Variants in DGKB observed in about 807,000 individuals in gnomAD.
DGKB encodes diacylglycerol kinase beta, also known as 90 kDa diacylglycerol kinase.
Under a neutral mutation model 114.3 loss-of-function variants are expected in DGKB, and 67 were observed. The ratio of observed to expected loss-of-function variants is 0.59; its 90% CI spans 0.48 to 0.72. The LOEUF is 0.72. Among genes scored for constraint, DGKB ranks in the 30% least tolerant of loss-of-function variants. The pLI, the probability that DGKB is intolerant of heterozygous loss-of-function variation, is 0.00. For synonymous variants in DGKB, 398 were observed against 323.1 expected (o/e 1.23, Z -2.49); for missense variants, 907 against 975.2 (o/e 0.93, Z 0.93).
At chr7:14,729,267 C>A (rs145370313) in intron 5 of DGKB, among the ~76,000 whole-genome samples, 2 of 147,806 alleles carry the variant, frequency 1.4e-5, no homozygotes, top group South Asian at 2.1e-4. Flanking sequence ...GGACTACAGG[C>A]GCCTGCCACC....
chr7:14,546,200 C>G (rs1383412241), intron 20 of DGKB, among the ~76,000 whole-genome samples: 1 of 152,150 alleles, frequency 6.6e-6, no homozygotes, highest in Non-Finnish European at 1.5e-5. Context: ...TGGAACCCAA[C>G]CAATCCCAAT....
At chr7:14,201,824 G>A (rs963269048) in intron 23 of DGKB, among the ~76,000 whole-genome samples, 1 of 151,690 alleles carries the variant, frequency 6.6e-6, no homozygotes, top group Non-Finnish European at 1.5e-5. Context: ...TGTTGCTTTG[G>A]AGTTTGTTGT....
chr7:14,862,509 C>T (rs566119695), intron 1 of DGKB, among the ~76,000 whole-genome samples: 87 of 152,056 alleles, frequency 5.7e-4, no homozygotes, highest in South Asian at 2.9e-3. Context: ...ATATTATTTT[C>T]ATCTTACAGA....
rs112546662 is a variant in DGKB at position 14,910,199 on chromosome 7, T to G, written c.-188+64497A>C. Among the ~76,000 whole-genome samples, 996 of 149,640 alleles carry G rather than the reference T, an allele frequency of 6.7e-3. 18 individuals are homozygous for G. The highest frequency in any genetic ancestry group is 0.023 in the African/African-American group (952 of 40,552). ...GAGGTTGCAGTGATCCGAGATTGCGTCATTGCACTCCAGCCTAGGTGACAG... is the reference window on the plus strand; with the variant it reads ...GAGGTTGCAGTGATCCGAGATTGCGGCATTGCACTCCAGCCTAGGTGACAG... On this transcript the variant is annotated intron_variant, in intron 1 of 4. Transcript: ENST00000437998.
chr7:14,854,383 C>A (rs1382691627), intron 1 of DGKB, among the ~76,000 whole-genome samples: 1 of 152,146 alleles, frequency 6.6e-6, no homozygotes, highest in East Asian at 1.9e-4. Context: ...GATCAGCAGT[C>A]CCCAACCTTT....
intron 1 of DGKB, among the ~76,000 whole-genome samples, chr7:14,857,193 T>C (rs372313578): frequency 4.1e-5 from 5 of 121,744 alleles, no homozygotes; most frequent in Admixed American, 8.7e-5. Flanking sequence ...GCAAGGAAGA[T>C]CTCTCTCTCT....
intron 20 of DGKB, among the ~76,000 whole-genome samples, chr7:14,491,037 AT>A (rs1784525284): frequency 6.6e-6 from 1 of 151,798 alleles, no homozygotes. Flanking sequence ...CTTTCTAGAG[AT>A]TATGCAGCTC....
intron 2 of DGKB, among the ~76,000 whole-genome samples, chr7:14,820,982 A>G (rs1161060998): frequency 6.6e-6 from 1 of 152,100 alleles, no homozygotes; most frequent in African/African-American, 2.4e-5. Context: ...AAATATACTG[A>G]ATTGTCTGTC....
intron 23 of DGKB, among the ~76,000 whole-genome samples, chr7:14,224,242 A>G (rs1790438055): frequency 6.6e-6 from 1 of 151,784 alleles, no homozygotes; most frequent in African/African-American, 2.4e-5. Context: ...TTACTGATCA[A>G]TTTTCAAGTC....
chr7:14,831,120 A>G (rs2128122408), intron 2 of DGKB, among the ~76,000 whole-genome samples: 1 of 152,094 alleles, frequency 6.6e-6, no homozygotes, highest in East Asian at 2.0e-4. Context: ...TAGGGCACAA[A>G]TAAGATGTAT....
intron 1 of DGKB, among the ~76,000 whole-genome samples, chr7:14,924,440 T>A (rs1264574874): frequency 6.6e-6 from 1 of 152,208 alleles, no homozygotes; most frequent in African/African-American, 2.4e-5. Context: ...TGTTATATCT[T>A]CAGAGATTTC....
chr7:14,185,401 T>C (rs1431990314), intron 23 of DGKB, among the ~76,000 whole-genome samples: 3 of 152,184 alleles, frequency 2.0e-5, no homozygotes, highest in Non-Finnish European at 1.5e-5. Context: ...TCCATGCTCA[T>C]GGATGGGTAG....
At chr7:14,734,381 T>G (rs1356168954) in intron 5 of DGKB, among the ~76,000 whole-genome samples, 1 of 152,156 alleles carries the variant, frequency 6.6e-6, no homozygotes, top group East Asian at 1.9e-4. Flanking sequence ...ATACTAGAGC[T>G]GGGACTCGCT....
intron 2 of DGKB, among the ~76,000 whole-genome samples, chr7:14,794,931 T>A (rs2191480): frequency 0.43 from 64,703 of 151,962 alleles, 16,198 homozygotes; most frequent in African/African-American, 0.7. Context: ...CATCTCTGCC[T>A]CTATAGTTAT....
intron 21 of DGKB, among the ~76,000 whole-genome samples, chr7:14,462,630 C>T (rs10479925): frequency 0.52 from 79,406 of 152,028 alleles, 21,199 homozygotes; most frequent in East Asian, 0.61. Context: ...TGCTCTTGGA[C>T]AGGAAGAATC....
At chr7:14,575,230 G>A (rs982848563) in intron 19 of DGKB, among the ~76,000 whole-genome samples, 4 of 152,076 alleles carry the variant, frequency 2.6e-5, no homozygotes, top group Admixed American at 1.3e-4. Flanking sequence ...TCCGCTATAC[G>A]CAGTTCTCAA....
intron 1 of DGKB, among the ~76,000 whole-genome samples, chr7:14,871,287 C>T (rs7777701): frequency 0.38 from 57,198 of 151,838 alleles, 11,412 homozygotes; most frequent in East Asian, 0.64. Context: ...TTAGCAATTT[C>T]AAAATACATA....
At chr7:14,543,450 A>C (rs1334851309) in intron 20 of DGKB, among the ~76,000 whole-genome samples, 1 of 152,100 alleles carries the variant, frequency 6.6e-6, no homozygotes, top group Admixed American at 6.6e-5. Flanking sequence ...ATCTCAAAAA[A>C]AACAAAAACA....
At chr7:14,223,455 T>C (rs1790305183) in intron 23 of DGKB, among the ~76,000 whole-genome samples, 1 of 151,776 alleles carries the variant, frequency 6.6e-6, no homozygotes, top group South Asian at 2.1e-4. Context: ...TCTATAAATG[T>C]TACAAACACG....
Sources: gnomAD v4.1 joint callset for allele counts (sites outside exome capture counted in the v4.1 genomes callset) on GRCh38, gnomAD v4.1.1 for gene constraint, MANE v1.5 for transcripts, NCBI Gene and HGNC (gene_info 2026-07-23, HGNC 2026-07-21) for gene names.